SLC35D4: variants seen among roughly 807,000 people sequenced by gnomAD.
SLC35D4 encodes the protein UDP-N-acetylglucosamine transporter SLC35D4.
the SLC35D4 span, among the ~76,000 whole-genome samples, chr18:23,305,363 G>A: frequency 2.6e-5 from 4 of 152,312 alleles, no homozygotes; most frequent in East Asian, 5.8e-4. Flanking sequence ...TATCTACACT[G>A]CTGTAAATCC....
At chr18:23,282,730 T>C in the SLC35D4 span, among the ~76,000 whole-genome samples, 1 of 150,672 alleles carries the variant, frequency 6.6e-6, no homozygotes. Context: ...CATGGGGAGG[T>C]GAGAGGGAGG....
At chr18:23,399,328 C>T in the SLC35D4 span, among the ~76,000 whole-genome samples, 18 of 152,218 alleles carry the variant, frequency 1.2e-4, no homozygotes, top group African/African-American at 4.3e-4. Context: ...CCGTCTCTGG[C>T]CAGCTCCACG....
chr18:23,391,062 CT>C, the SLC35D4 span, among the ~76,000 whole-genome samples: 1 of 151,824 alleles, frequency 6.6e-6, no homozygotes, highest in Non-Finnish European at 1.5e-5. Context: ...CCCGTCTCTA[CT>C]AAAAATGCAA....
chr18:23,267,525 C>G, the SLC35D4 span, among the ~76,000 whole-genome samples: 1 of 152,120 alleles, frequency 6.6e-6, no homozygotes, highest in Admixed American at 6.5e-5. Context: ...CCCCAGGACA[C>G]TCCTCTAGCT....
At chr18:23,394,568 C>T in the SLC35D4 span, among the ~76,000 whole-genome samples, 1 of 151,956 alleles carries the variant, frequency 6.6e-6, no homozygotes, top group East Asian at 1.9e-4. Context: ...TGATGAAGTC[C>T]AATTACTCTA....
At chr18:23,243,070 A>T in the SLC35D4 span, among the ~76,000 whole-genome samples, 2 of 150,604 alleles carry the variant, frequency 1.3e-5, no homozygotes, top group South Asian at 4.2e-4. Context: ...TATATTTATT[A>T]TAATTTATAT....
At chr18:23,425,391 G>A in the SLC35D4 span, among the ~76,000 whole-genome samples, 1 of 152,158 alleles carries the variant, frequency 6.6e-6, no homozygotes, top group South Asian at 2.1e-4. Context: ...GTGAGCCACT[G>A]TGCCCAGCCA....
chr18:23,378,236 A>C, the SLC35D4 span, among the ~76,000 whole-genome samples: 2 of 148,988 alleles, frequency 1.3e-5, no homozygotes, highest in Non-Finnish European at 3.0e-5. Flanking sequence ...GCAGGATCTC[A>C]CTATGTTGCT....
chr18:23,270,477 G>A, the SLC35D4 span, among the ~76,000 whole-genome samples: 164 of 152,318 alleles, frequency 1.1e-3, no homozygotes, highest in African/African-American at 3.3e-3. Flanking sequence ...CTGGGGCACC[G>A]CCTAGTGGAA....
At chr18:23,321,779 C>T in the SLC35D4 span, among the ~76,000 whole-genome samples, 11 of 152,298 alleles carry the variant, frequency 7.2e-5, no homozygotes, top group African/African-American at 2.6e-4. Context: ...TTCTGAACAA[C>T]TTCCCATTCA....
the SLC35D4 span, among the ~76,000 whole-genome samples, chr18:23,383,481 C>A: frequency 6.6e-6 from 1 of 151,908 alleles, no homozygotes; most frequent in African/African-American, 2.4e-5. Flanking sequence ...GACGAAGCCA[C>A]CAGTGCCTTC....
chr18:23,286,538 C>G, the SLC35D4 span, among the ~76,000 whole-genome samples: 3 of 151,978 alleles, frequency 2.0e-5, no homozygotes, highest in Admixed American at 6.6e-5. Context: ...TGATGCTGCC[C>G]GATCGCCTCG....
the SLC35D4 span, among the ~76,000 whole-genome samples, chr18:23,369,653 G>A: frequency 6.6e-6 from 1 of 152,292 alleles, no homozygotes; most frequent in Admixed American, 6.5e-5. Context: ...CCTGAAGGAA[G>A]GAGATTGAGA....
chr18:23,358,959 G>A, the SLC35D4 span, among the ~76,000 whole-genome samples: 13 of 152,232 alleles, frequency 8.5e-5, no homozygotes, highest in South Asian at 6.2e-4. Flanking sequence ...AAATACCCCC[G>A]GAAGAGGTTG....
At chr18:23,372,357 C>G in the SLC35D4 span, among the ~76,000 whole-genome samples, 1 of 152,314 alleles carries the variant, frequency 6.6e-6, no homozygotes, top group Middle Eastern at 3.4e-3. Flanking sequence ...CACTGGATCA[C>G]AGGATACTCA....
the SLC35D4 span, among the ~76,000 whole-genome samples, chr18:23,299,698 A>G: frequency 6.6e-6 from 1 of 152,040 alleles, no homozygotes; most frequent in Non-Finnish European, 1.5e-5. Context: ...TCCCCCAAAC[A>G]CCGTGATCTC....
At chr18:23,312,504 G>C in the SLC35D4 span, among the ~76,000 whole-genome samples, 3 of 152,146 alleles carry the variant, frequency 2.0e-5, no homozygotes, top group East Asian at 3.9e-4. Context: ...AGGAACAAGT[G>C]TGCTGCTGCC....
At chr18:23,266,256 A>G in the SLC35D4 span, among the ~76,000 whole-genome samples, 1 of 152,200 alleles carries the variant, frequency 6.6e-6, no homozygotes, top group Non-Finnish European at 1.5e-5. Flanking sequence ...GCCACTGGCC[A>G]GCCCATGCCT....
At chr18:23,331,286 G>T in the SLC35D4 span, 5 of 152,260 alleles carry the variant, frequency 3.3e-5, no homozygotes, top group African/African-American at 1.2e-4. Flanking sequence ...CTGAAGATCT[G>T]TTAGAAACCC....
Sources: allele counts gnomAD v4.1 joint callset (sites outside exome capture counted in the v4.1 genomes callset), GRCh38; gene constraint gnomAD v4.1.1; transcripts MANE v1.5; gene names NCBI Gene and HGNC (gene_info 2026-07-23, HGNC 2026-07-21).